ANKFN1: variants seen among roughly 807,000 people sequenced by gnomAD.
ANKFN1 encodes ankyrin repeat and fibronectin type III domain containing 1.
Under a neutral mutation model 108.7 loss-of-function variants are expected in ANKFN1, and 74 were observed. That is an observed-to-expected ratio of 0.68 (90% CI 0.56 to 0.83). The LOEUF (loss-of-function observed/expected upper bound fraction) is 0.83, where lower values mean the gene tolerates loss of function less well. Among genes scored for constraint, ANKFN1 ranks in the 40% least tolerant of loss-of-function variants. The pLI, the probability that ANKFN1 is intolerant of heterozygous loss-of-function variation, is 0.00. For missense variants in ANKFN1, 1,505 were observed against 1,382.3 expected, an observed-to-expected ratio of 1.09 and a Z score of -1.41; for synonymous variants, 547 against 516.2, an observed-to-expected ratio of 1.06 and a Z score of -0.81.
chr17:56,050,438 T>G (rs1904755206), intron 4 of ANKFN1, among the ~76,000 whole-genome samples: 1 of 130,588 alleles, frequency 7.7e-6, no homozygotes. Flanking sequence ...TGCCATTGCT[T>G]TTGGTGTTTT....
rs1338866243 is a variant in ANKFN1 at position 56,218,246 on chromosome 17, C to T, written c.12+5567C>T. 3.0e-5 allele frequency among the ~76,000 whole-genome samples: 4 copies of T among 133,580 alleles called. No homozygotes were observed. In the South Asian group the frequency reaches 8.1e-4, roughly 27 times the overall value. 87.6% of individuals were successfully genotyped at this position (133,580 alleles called of 152,430 possible). ...CTCCCCTCTTCCCTCCCCTATGTTA[C>T]TCCTCTGATTCAGTTCCTCAACACA... On this transcript the variant is annotated intron_variant, in intron 2 of 20. Coordinates refer to ENST00000682825, the MANE Select transcript of ANKFN1 (RefSeq NM_001370326.1).
At chr17:56,100,693 C>G (rs775561608) in intron 4 of ANKFN1, among the ~76,000 whole-genome samples, 20 of 152,108 alleles carry the variant, frequency 1.3e-4, no homozygotes, top group Non-Finnish European at 2.5e-4. Context: ...TTCAGATACC[C>G]CTTCCCTTCT....
intron 3 of ANKFN1, among the ~76,000 whole-genome samples, chr17:56,243,858 T>C (rs1022055290): frequency 4.6e-5 from 7 of 152,142 alleles, no homozygotes; most frequent in Non-Finnish European, 1.5e-5. Context: ...GAATGTTAGG[T>C]TTTTAATTAA....
chr17:56,427,905 T>C (rs1056212772), intron 8 of ANKFN1, among the ~76,000 whole-genome samples: 2 of 152,104 alleles, frequency 1.3e-5, no homozygotes, highest in Non-Finnish European at 2.9e-5. Context: ...GAAGAGAACA[T>C]TACCTACCAC....
chr17:56,070,233 T>C (rs1002713148), intron 4 of ANKFN1, among the ~76,000 whole-genome samples: 1 of 152,216 alleles, frequency 6.6e-6, no homozygotes, highest in African/African-American at 2.4e-5. Context: ...CAAACACCTC[T>C]GACAAAGGTG....
chr17:56,253,117 C>G (rs2043275992), intron 3 of ANKFN1, among the ~76,000 whole-genome samples: 1 of 152,092 alleles, frequency 6.6e-6, no homozygotes, highest in Non-Finnish European at 1.5e-5. Flanking sequence ...TGAGGAAAAT[C>G]AAGTGAAGCA....
chr17:56,487,087 T>A (rs1398215819), intron 18 of ANKFN1, among the ~76,000 whole-genome samples: 1 of 152,190 alleles, frequency 6.6e-6, no homozygotes, highest in Non-Finnish European at 1.5e-5. Flanking sequence ...AGGCTATTCC[T>A]TCACAGGATT....
In ANKFN1 at chr17:56,115,187, C is replaced by T. The variant is rs558260664; in HGVS notation, c.288+68862C>T. On this transcript the variant is annotated intron_variant, in intron 4 of 12. Transcript: ENST00000635860. ...ATTGTGCCATTTGTCTCAGCAGTTACTCTTCTTGTTATTACCTTGGAGAAT... is the reference window on the plus strand; with the variant it reads ...ATTGTGCCATTTGTCTCAGCAGTTATTCTTCTTGTTATTACCTTGGAGAAT... Among the ~76,000 whole-genome samples, 3 of 152,308 alleles carry T rather than the reference C, an allele frequency of 2.0e-5. No individual in the cohort carries two copies. The South Asian group carries it at 6.2e-4, about 32-fold the overall frequency.
chr17:56,281,461 A>G (rs2044081027), intron 3 of ANKFN1, among the ~76,000 whole-genome samples: 1 of 152,220 alleles, frequency 6.6e-6, no homozygotes, highest in Non-Finnish European at 1.5e-5. Context: ...AAAATATAAG[A>G]TAAACCATTT....
intron 1 of ANKFN1, among the ~76,000 whole-genome samples, chr17:56,164,110 C>T (rs1404354817): frequency 6.6e-6 from 1 of 152,132 alleles, no homozygotes; most frequent in Non-Finnish European, 1.5e-5. Context: ...TCCATATCTC[C>T]AGTCTTGTAT....
At chr17:56,304,999 A>T (rs1265490851) in intron 3 of ANKFN1, among the ~76,000 whole-genome samples, 1 of 152,180 alleles carries the variant, frequency 6.6e-6, no homozygotes, top group Non-Finnish European at 1.5e-5. Context: ...GTAAGGACAT[A>T]CCTGAGACTA....
intron 1 of ANKFN1, among the ~76,000 whole-genome samples, chr17:56,178,429 T>C (rs1016794635): frequency 6.6e-6 from 1 of 152,206 alleles, no homozygotes; most frequent in Admixed American, 6.5e-5. Flanking sequence ...TGTGGATTCC[T>C]GAATACATAG....
intron 3 of ANKFN1, among the ~76,000 whole-genome samples, chr17:56,269,653 G>A (rs2043741400): frequency 6.6e-6 from 1 of 152,198 alleles, no homozygotes; most frequent in Non-Finnish European, 1.5e-5. Context: ...AATAGTTTTG[G>A]TGAAGCATAA....
At chr17:56,329,649 G>T (rs556071023) in intron 4 of ANKFN1, among the ~76,000 whole-genome samples, 4 of 152,254 alleles carry the variant, frequency 2.6e-5, no homozygotes, top group Admixed American at 2.6e-4. Context: ...TGTGTAAAAT[G>T]GAGATAATAA....
intron 15 of ANKFN1, among the ~76,000 whole-genome samples, chr17:56,467,627 A>G (rs2050119939): frequency 6.7e-6 from 1 of 150,206 alleles, no homozygotes; most frequent in Non-Finnish European, 1.5e-5. Context: ...CAGTGAGCCG[A>G]GATCACGCTA....
intron 4 of ANKFN1, among the ~76,000 whole-genome samples, chr17:56,070,524 C>G (rs189818771): frequency 5.3e-5 from 8 of 152,254 alleles, no homozygotes; most frequent in Admixed American, 3.3e-4. Context: ...TCTTTAAAGA[C>G]TGTTCCCAAA....
chr17:56,209,020 A>G (rs1161637328), intron 1 of ANKFN1, among the ~76,000 whole-genome samples: 2 of 152,196 alleles, frequency 1.3e-5, no homozygotes, highest in Non-Finnish European at 2.9e-5. Context: ...CTGGGACTAC[A>G]GGCACATGAC....
At chr17:56,138,171 A>C (rs1907700644) in intron 4 of ANKFN1, among the ~76,000 whole-genome samples, 2 of 152,254 alleles carry the variant, frequency 1.3e-5, no homozygotes, top group Non-Finnish European at 2.9e-5. Context: ...GAGAGTTAAC[A>C]CTATGATTAC....
intron 4 of ANKFN1, among the ~76,000 whole-genome samples, chr17:56,064,323 A>C (rs1245576778): frequency 6.6e-6 from 1 of 152,160 alleles, no homozygotes; most frequent in African/African-American, 2.4e-5. Flanking sequence ...CCTCTGTACT[A>C]ACAGGAGGAA....
Sources: allele counts gnomAD v4.1 joint callset (sites outside exome capture counted in the v4.1 genomes callset), GRCh38; gene constraint gnomAD v4.1.1; transcripts MANE v1.5; gene names NCBI Gene and HGNC (gene_info 2026-07-23, HGNC 2026-07-21).